Variants in PTPRD observed in about 807,000 individuals in gnomAD.
The protein encoded by PTPRD is protein tyrosine phosphatase receptor type D.
PTPRD carries 34 observed loss-of-function variants against 214.5 expected under a neutral mutation model. That is an observed-to-expected ratio of 0.16 (90% CI 0.12 to 0.21). The LOEUF is 0.21. Among genes scored for constraint, PTPRD ranks in the 10% least tolerant of loss-of-function variants. The pLI is 1.00. For synonymous variants in PTPRD, 1,128 were observed against 845.7 expected (o/e 1.33, Z -5.79); for missense variants, 2,545 against 2,398.7 (o/e 1.06, Z -1.27).
intron 11 of PTPRD, among the ~76,000 whole-genome samples, chr9:8,737,475 A>G (rs1236508700): frequency 1.3e-5 from 2 of 152,122 alleles, no homozygotes; most frequent in African/African-American, 4.8e-5. Context: ...ATAAAAGAAT[A>G]TTATAAGGAG....
chr9:9,058,244 G>C (rs1019513228), intron 10 of PTPRD, among the ~76,000 whole-genome samples: 1 of 151,964 alleles, frequency 6.6e-6, no homozygotes, highest in Non-Finnish European at 1.5e-5. Context: ...CCTATCAACC[G>C]AGAGAAGTAA....
chr9:10,114,105 G>A (rs1167842449), intron 3 of PTPRD, among the ~76,000 whole-genome samples: 1 of 152,160 alleles, frequency 6.6e-6, no homozygotes, highest in Non-Finnish European at 1.5e-5. Context: ...GACAAACATG[G>A]AACATGCTGT....
chr9:10,091,514 G>T (rs142278253), intron 3 of PTPRD, among the ~76,000 whole-genome samples: 48 of 151,488 alleles, frequency 3.2e-4, no homozygotes, highest in African/African-American at 1.1e-3. Flanking sequence ...TCCTAAAATA[G>T]AAATTTTAAA....
At chr9:9,693,458 G>T (rs989028966) in intron 7 of PTPRD, among the ~76,000 whole-genome samples, 1 of 151,958 alleles carries the variant, frequency 6.6e-6, no homozygotes, top group Non-Finnish European at 1.5e-5. Flanking sequence ...TCCTCCCCCC[G>T]CCATGTGCAA....
At chr9:9,354,319 C>T (rs1432540749) in intron 9 of PTPRD, among the ~76,000 whole-genome samples, 13 of 151,656 alleles carry the variant, frequency 8.6e-5, no homozygotes, top group Non-Finnish European at 4.4e-5. Context: ...TTCTTTCTAC[C>T]ACAACAAAAT....
chr9:9,433,528 CTAAT>C (rs1167457980), intron 8 of PTPRD, among the ~76,000 whole-genome samples: 17 of 150,900 alleles, frequency 1.1e-4, no homozygotes, highest in Non-Finnish European at 2.4e-4. Flanking sequence ...ACTTTAGAAA[CTAAT>C]TAAGTAAAAA....
chr9:9,047,944 C>A (rs1226977200), intron 10 of PTPRD, among the ~76,000 whole-genome samples: 1 of 151,998 alleles, frequency 6.6e-6, no homozygotes, highest in South Asian at 2.1e-4. Context: ...TGAAAAGAAA[C>A]CTCACAGAAT....
rs574924960 is a variant in PTPRD at position 9,920,284 on chromosome 9, T to A, written c.-368+18223A>T. Among the ~76,000 whole-genome samples, 8 of 152,228 alleles carry A rather than the reference T, an allele frequency of 5.3e-5. No homozygotes were observed. The South Asian group carries it at 1.7e-3, about 32-fold the overall frequency. ...GCACACTGCTTTTCAATAAGCTGAT[T>A]TGTCTTCTTGTTTACATAGGCTGTG... On this transcript the variant is annotated intron_variant, in intron 5 of 45. Coordinates refer to ENST00000381196, the MANE Select transcript of PTPRD (RefSeq NM_002839.4).
intron 11 of PTPRD, among the ~76,000 whole-genome samples, chr9:8,947,019 T>C (rs2099069330): frequency 1.5e-5 from 2 of 130,876 alleles, no homozygotes; most frequent in South Asian, 5.8e-4. Context: ...TCTGTATTTT[T>C]TTTTCTTTTC....
intron 8 of PTPRD, among the ~76,000 whole-genome samples, chr9:9,490,121 G>C (rs917835241): frequency 6.6e-6 from 1 of 152,046 alleles, no homozygotes; most frequent in Non-Finnish European, 1.5e-5. Context: ...AGTGCTAAAA[G>C]AAAGCAATTG....
chr9:9,671,098 G>A (rs1415167043), intron 7 of PTPRD, among the ~76,000 whole-genome samples: 1 of 152,172 alleles, frequency 6.6e-6, no homozygotes, highest in African/African-American at 2.4e-5. Context: ...AGCTGGGAGG[G>A]AAACTGTACC....
At chr9:9,602,931 G>T (rs752500339) in intron 7 of PTPRD, among the ~76,000 whole-genome samples, 1 of 151,806 alleles carries the variant, frequency 6.6e-6, no homozygotes, top group Non-Finnish European at 1.5e-5. Context: ...TATGATCCTG[G>T]ATAAAATTAT....
At chr9:8,908,198 ACTGT>A (rs1177398692) in intron 11 of PTPRD, among the ~76,000 whole-genome samples, 2 of 152,294 alleles carry the variant, frequency 1.3e-5, no homozygotes, top group East Asian at 3.9e-4. Context: ...ATTCAGCAAA[ACTGT>A]CTTTCAAAAA....
intron 10 of PTPRD, among the ~76,000 whole-genome samples, chr9:9,029,815 T>C (rs1421201536): frequency 2.0e-5 from 3 of 151,652 alleles, no homozygotes; most frequent in Admixed American, 6.6e-5. Context: ...CAGGAGAAAA[T>C]GTACTTAAGA....
intron 5 of PTPRD, among the ~76,000 whole-genome samples, chr9:9,929,673 C>A (rs2153911494): frequency 6.6e-6 from 1 of 152,228 alleles, no homozygotes; most frequent in South Asian, 2.1e-4. Flanking sequence ...ATTACAGGCT[C>A]AAGCCACAGC....
intron 2 of PTPRD, among the ~76,000 whole-genome samples, chr9:10,432,875 T>C (rs1588089267): frequency 6.6e-6 from 1 of 151,958 alleles, no homozygotes; most frequent in South Asian, 2.1e-4. Flanking sequence ...CTCATTATTT[T>C]TGCTCATAGT....
chr9:9,556,087 T>C (rs2081441290), intron 8 of PTPRD, among the ~76,000 whole-genome samples: 1 of 152,162 alleles, frequency 6.6e-6, no homozygotes, highest in Admixed American at 6.5e-5. Context: ...AATAACCTAT[T>C]ATTGACCAGA....
At chr9:8,881,379 G>T (rs1267873497) in intron 11 of PTPRD, among the ~76,000 whole-genome samples, 1 of 152,108 alleles carries the variant, frequency 6.6e-6, no homozygotes, top group East Asian at 1.9e-4. Flanking sequence ...ATATCCATTT[G>T]GTTAGGTCAG....
At chr9:9,379,886 T>A (rs553927088) in intron 9 of PTPRD, among the ~76,000 whole-genome samples, 60 of 152,178 alleles carry the variant, frequency 3.9e-4, no homozygotes, top group African/African-American at 1.4e-3. Flanking sequence ...ACCTTGTATA[T>A]GGAATCTTGT....
Sources: allele counts gnomAD v4.1 joint callset (sites outside exome capture counted in the v4.1 genomes callset), GRCh38; gene constraint gnomAD v4.1.1; transcripts MANE v1.5; gene names NCBI Gene and HGNC (gene_info 2026-07-23, HGNC 2026-07-21).